CSMD1: variants seen among roughly 807,000 people sequenced by gnomAD.
CSMD1 encodes CUB and Sushi multiple domains 1.
A neutral mutation model predicts 417.5 loss-of-function variants in CSMD1; 213 were observed. The ratio of observed to expected loss-of-function variants is 0.51; its 90% CI spans 0.46 to 0.57. CSMD1 has a LOEUF of 0.57. Among genes scored for constraint, CSMD1 ranks in the 20% least tolerant of loss-of-function variants. CSMD1 has a pLI of 0.00. For missense variants in CSMD1, 6,923 were observed against 4,529.7 expected (o/e 1.53, Z -15.17); for synonymous variants, 2,862 against 1,736.8 (o/e 1.65, Z -16.11).
At chr8:4,044,784 C>T (rs887416273) in intron 3 of CSMD1, among the ~76,000 whole-genome samples, 1 of 152,252 alleles carries the variant, frequency 6.6e-6, no homozygotes, top group East Asian at 1.9e-4. Context: ...CCGTGTAGCA[C>T]CCTGAGGGTG....
At chr8:4,114,247 C>G (rs1020289832) in intron 3 of CSMD1, among the ~76,000 whole-genome samples, 7 of 152,254 alleles carry the variant, frequency 4.6e-5, no homozygotes, top group East Asian at 1.9e-4. Flanking sequence ...TTTTGAAAAT[C>G]CTAGGGCTCT....
intron 3 of CSMD1, among the ~76,000 whole-genome samples, chr8:4,083,462 A>C (rs1418907691): frequency 3.3e-5 from 5 of 152,194 alleles, no homozygotes; most frequent in African/African-American, 9.7e-5. Context: ...TACAGTAACC[A>C]AAACAGCATG....
chr8:3,087,409 G>C lies in CSMD1; in HGVS notation c.7286-124C>G, dbSNP rs528503193. 57 of 982,548 alleles carry C rather than the reference G, an allele frequency of 5.8e-5. No homozygotes were observed. The East Asian group carries it at 1.4e-3, about 24-fold the overall frequency. 60.9% of individuals were successfully genotyped at this position (982,548 alleles called of 1,614,324 possible). Reference sequence around the variant, plus strand: ...TCCAAAAGGTAGGAAATGAGCACCAGTATGTAAGTTTGTTCTAAAGAGCAT... The same window carrying C: ...TCCAAAAGGTAGGAAATGAGCACCACTATGTAAGTTTGTTCTAAAGAGCAT... On this transcript the variant is annotated intron_variant, in intron 48 of 69. Transcript: ENST00000635120.
intron 56 of CSMD1, 148 bp from the exon 57 acceptor site, chr8:2,973,447 G>T (rs1176658371): frequency 5.0e-6 from 4 of 800,056 alleles, no homozygotes; most frequent in South Asian, 1.9e-5. Context: ...TTGTAAGAAA[G>T]AATTTCTTTG....
intron 2 of CSMD1, among the ~76,000 whole-genome samples, chr8:4,590,029 T>C (rs145430610): frequency 6.6e-6 from 1 of 152,374 alleles, no homozygotes; most frequent in Non-Finnish European, 1.5e-5. Flanking sequence ...TGCTTGTCTA[T>C]GCTTTTTAAC....
At chr8:4,787,125 G>A (rs1797441196) in intron 1 of CSMD1, among the ~76,000 whole-genome samples, 1 of 152,182 alleles carries the variant, frequency 6.6e-6, no homozygotes, top group Non-Finnish European at 1.5e-5. Context: ...TCAACTTTTA[G>A]AGGGAAACTA....
chr8:3,357,676 G>T (rs1356263969), intron 21 of CSMD1, among the ~76,000 whole-genome samples: 1 of 152,094 alleles, frequency 6.6e-6, no homozygotes. Context: ...CATTGAGTTG[G>T]GGGTTTTGTC....
At chr8:4,820,726 G>A (rs1214626422) in intron 1 of CSMD1, among the ~76,000 whole-genome samples, 1 of 152,088 alleles carries the variant, frequency 6.6e-6, no homozygotes, top group Admixed American at 6.5e-5. Context: ...GACTAATAAG[G>A]ATCTAACTTT....
intron 10 of CSMD1, among the ~76,000 whole-genome samples, chr8:3,505,039 A>G (rs990186047): frequency 6.6e-6 from 1 of 152,190 alleles, no homozygotes; most frequent in African/African-American, 2.4e-5. Context: ...GTTTTGCTGC[A>G]TAAGATGGGA....
At chr8:3,836,602 TA>T (rs1563129635) in intron 5 of CSMD1, among the ~76,000 whole-genome samples, 1 of 152,146 alleles carries the variant, frequency 6.6e-6, no homozygotes, top group African/African-American at 2.4e-5. Context: ...TTAAGTAATT[TA>T]TATTTACTAA....
At chr8:4,713,644 G>A (rs1013792630) in intron 1 of CSMD1, among the ~76,000 whole-genome samples, 3 of 152,008 alleles carry the variant, frequency 2.0e-5, no homozygotes, top group Non-Finnish European at 4.4e-5. Flanking sequence ...ATAAAAAAGT[G>A]GAACGTCTCT....
At position 3,284,341 on chromosome 8, in the gene CSMD1, T is replaced by C; in HGVS notation, c.3956A>G (p.His1319Arg). Residue 1319 changes from histidine to arginine, a missense_variant, in exon 26 of 70, where the codon CAT becomes CGT. Coordinates refer to ENST00000635120, the MANE Select transcript of CSMD1 (RefSeq NM_033225.6). ...CATCTCCGTGTCGAAAACAATGAAA[T>C]GGAGGCTGCAAGAGAGAACACAGTA... Reference protein sequence around the residue: ...EADPGKTISLHFIVFDTEMAH... With the variant: ...EADPGKTISLRFIVFDTEMAH... 6.2e-7 allele frequency: 1 copy of C among 1,612,894 alleles called. No homozygotes were observed.
At chr8:4,984,395 C>T (rs1252943771) in intron 1 of CSMD1, among the ~76,000 whole-genome samples, 10 of 152,190 alleles carry the variant, frequency 6.6e-5, no homozygotes, top group Admixed American at 2.6e-4. Context: ...TGTACGCTTC[C>T]GATCCGACCT....
At position 4,240,316 on chromosome 8, in the gene CSMD1, A is replaced by G. The variant is rs957567302; in HGVS notation, c.415+179637T>C. On this transcript the variant is annotated intron_variant, in intron 3 of 69. Coordinates refer to ENST00000635120, the MANE Select transcript of CSMD1 (RefSeq NM_033225.6). ...ACCCTTATCACCTTGTACAAGTTAA[A>G]CTTCTGGTGTTGCTGCATCTTTGCT... 1.5e-4 allele frequency among the ~76,000 whole-genome samples: 23 copies of G among 152,126 alleles called. 1 individual carries two copies. Among genetic ancestry groups the G allele is most frequent in the African/African-American group, 5.3e-4 (22 of 41,422 alleles).
intron 12 of CSMD1, among the ~76,000 whole-genome samples, chr8:3,431,781 GCTC>G (rs1314701024): frequency 3.9e-5 from 6 of 152,220 alleles, no homozygotes; most frequent in African/African-American, 9.6e-5. Flanking sequence ...TTGAAAATTT[GCTC>G]CTATTTATTC....
intron 1 of CSMD1, among the ~76,000 whole-genome samples, chr8:4,817,124 T>C (rs1320861206): frequency 6.6e-6 from 1 of 152,122 alleles, no homozygotes; most frequent in African/African-American, 2.4e-5. Context: ...TATCTGTATA[T>C]AAATACATAT....
At chr8:4,587,845 T>TA (rs1799781885) in intron 2 of CSMD1, among the ~76,000 whole-genome samples, 1 of 152,208 alleles carries the variant, frequency 6.6e-6, no homozygotes, top group Non-Finnish European at 1.5e-5. Flanking sequence ...TCTGTAACTA[T>TA]AAAAAATTAT....
At chr8:3,270,574 A>G (rs1014042692) in intron 26 of CSMD1, among the ~76,000 whole-genome samples, 4 of 152,224 alleles carry the variant, frequency 2.6e-5, no homozygotes, top group African/African-American at 9.6e-5. Flanking sequence ...ATCAAGAATT[A>G]TAACACTTAA....
At chr8:3,374,772 C>G (rs527360406) in intron 18 of CSMD1, among the ~76,000 whole-genome samples, 12 of 152,268 alleles carry the variant, frequency 7.9e-5, no homozygotes, top group Non-Finnish European at 1.8e-4. Context: ...TACTGATGTT[C>G]ATGGCAAAGC....
Sources: gnomAD v4.1 joint callset for allele counts (sites outside exome capture counted in the v4.1 genomes callset) on GRCh38, gnomAD v4.1.1 for gene constraint, MANE v1.5 for transcripts, NCBI Gene and HGNC (gene_info 2026-07-23, HGNC 2026-07-21) for gene names.